The following CLMP variants were observed in gnomAD, a reference collection of about 807,000 sequenced individuals.
CLMP encodes CXADR-like membrane protein.
A neutral mutation model predicts 45.2 loss-of-function variants in CLMP; 27 were observed. The observed-to-expected ratio is 0.60, with a 90% confidence interval of 0.44 to 0.82. CLMP has a LOEUF of 0.82. CLMP is among the 40% of genes least tolerant of loss of function. The probability of loss-of-function intolerance (pLI) is 0.00; values close to 1 mark genes in which losing one functional copy is unlikely to be tolerated. For missense variants in CLMP, 403 were observed against 448.4 expected (o/e 0.90, Z 0.91); for synonymous variants, 167 against 171.4 (o/e 0.97, Z 0.20).
intron 1 of CLMP, among the ~76,000 whole-genome samples, chr11:123,177,253 T>C (rs1861711164): frequency 6.6e-6 from 1 of 152,120 alleles, no homozygotes; most frequent in African/African-American, 2.4e-5. Flanking sequence ...TTTTGCTCCT[T>C]TGATGCAGTG....
At chr11:123,106,355 C>T (rs1476085712) in intron 1 of CLMP, among the ~76,000 whole-genome samples, 1 of 151,466 alleles carries the variant, frequency 6.6e-6, no homozygotes, top group Non-Finnish European at 1.5e-5. Context: ...TTCCCTTCAC[C>T]CCAGCTACAT....
chr11:123,102,364 TC>T (rs1407540240), intron 1 of CLMP, among the ~76,000 whole-genome samples: 4 of 138,304 alleles, frequency 2.9e-5, no homozygotes, highest in Non-Finnish European at 6.1e-5. Context: ...CAGTGCAACC[TC>T]CGACTCCCCG....
intron 1 of CLMP, among the ~76,000 whole-genome samples, chr11:123,139,748 G>A (rs1266465653): frequency 6.6e-6 from 1 of 152,072 alleles, no homozygotes; most frequent in East Asian, 1.9e-4. Context: ...CCTGGCAGGT[G>A]GAGGTTGCAG....
chr11:123,126,084 G>C (rs1005364653), intron 1 of CLMP, among the ~76,000 whole-genome samples: 12 of 152,114 alleles, frequency 7.9e-5, no homozygotes, highest in Admixed American at 7.9e-4. Flanking sequence ...TCTCTTCCAA[G>C]GGGCCAGCCT....
chr11:123,078,155 T>G (rs1427506208), intron 5 of CLMP, among the ~76,000 whole-genome samples: 1 of 152,132 alleles, frequency 6.6e-6, no homozygotes, highest in East Asian at 1.9e-4. Flanking sequence ...TTTGGACACT[T>G]GGGGCATGTC....
chr11:123,160,624 A>T (rs967664314), intron 1 of CLMP, among the ~76,000 whole-genome samples: 3 of 152,242 alleles, frequency 2.0e-5, no homozygotes, highest in Admixed American at 6.5e-5. Flanking sequence ...TCCTATTTCC[A>T]TTCTCTTCCT....
intron 1 of CLMP, among the ~76,000 whole-genome samples, chr11:123,104,664 G>T (rs1860509715): frequency 6.6e-6 from 1 of 152,076 alleles, no homozygotes; most frequent in South Asian, 2.1e-4. Flanking sequence ...GGGATTACAG[G>T]TGTGAGCCAC....
In CLMP at chr11:123,107,960, C is replaced by A. The variant is rs565176962; in HGVS notation, c.29-10008G>T. 7.1e-4 allele frequency among the ~76,000 whole-genome samples: 108 copies of A among 152,062 alleles called. 1 individual carries two copies. The highest frequency in any genetic ancestry group is 3.4e-3 in the Middle Eastern group (1 of 292). On this transcript the variant is annotated intron_variant, in intron 1 of 6. Transcript: ENST00000448775. ...AAATTGATAATATTGTAGAGAAGGT[C>A]ATTCCTGACGAGCAATTAAGGAAGA...
intron 1 of CLMP, among the ~76,000 whole-genome samples, chr11:123,186,765 C>T (rs1861840862): frequency 6.6e-6 from 1 of 152,130 alleles, no homozygotes. Flanking sequence ...TCCAGTGATC[C>T]ACCCGCCTCG....
intron 1 of CLMP, among the ~76,000 whole-genome samples, chr11:123,155,629 C>T (rs1861402950): frequency 1.3e-5 from 2 of 152,180 alleles, no homozygotes; most frequent in African/African-American, 4.8e-5. Context: ...AACATACATT[C>T]TTTTTCTGAT....
rs559820569 is a variant in CLMP, at chr11:123,105,887, G to A, written c.29-7935C>T. On this transcript the variant is annotated intron_variant, in intron 1 of 6. Coordinates refer to ENST00000448775, the MANE Select transcript of CLMP (RefSeq NM_024769.5). ...GCTGGAGTACAGTAGCGCAATCTCA[G>A]CTCACTGCAACCTCCGCCTCCCGGG... Among the ~76,000 whole-genome samples the A allele has an allele frequency of 9.9e-5, 15 of 151,166 alleles. No individual in the cohort carries two copies. The East Asian group carries it at 2.9e-3, about 29-fold the overall frequency.
chr11:123,110,065 T>G lies in CLMP; in HGVS notation c.29-12113A>C, dbSNP rs376325870. On this transcript the variant is annotated intron_variant, in intron 1 of 6. Coordinates refer to ENST00000448775, the MANE Select transcript of CLMP (RefSeq NM_024769.5). The stretch of plus-strand genomic sequence containing the variant: ...GCCACAAAACAAGTAATAGGTTTAC[T>G]GCATTTTGTTCCTTTGGTCAGAATT... 3.9e-5 allele frequency among the ~76,000 whole-genome samples: 6 copies of G among 152,346 alleles called. No individual in the cohort carries two copies. The East Asian group carries it at 1.2e-3, about 29-fold the overall frequency.
At chr11:123,104,841 G>C (rs1444809914) in intron 1 of CLMP, among the ~76,000 whole-genome samples, 1 of 152,190 alleles carries the variant, frequency 6.6e-6, no homozygotes, top group East Asian at 1.9e-4. Flanking sequence ...AAAGACTTTA[G>C]AGATCATCAG....
At chr11:123,154,712 C>T (rs1244654502) in intron 1 of CLMP, among the ~76,000 whole-genome samples, 2 of 151,992 alleles carry the variant, frequency 1.3e-5, no homozygotes, top group South Asian at 2.1e-4. Context: ...GGATAAATCC[C>T]CCTCATTTTT....
chr11:123,151,035 G>C (rs1365712673), intron 1 of CLMP, among the ~76,000 whole-genome samples: 1 of 152,128 alleles, frequency 6.6e-6, no homozygotes. Context: ...CCACTTTTCT[G>C]TTACTGCCAG....
Position 123,069,951 on chromosome 11 carries a change from C to A in CLMP, c.*3523G>T, listed in dbSNP as rs1278894917. On this transcript the variant is annotated 3_prime_UTR_variant, in exon 7 of 7. Transcript: ENST00000448775. ...ATTTGGTTTTTGTGATGCTGAAACA[C>A]AGTCCCAATTACAAGGCAACTTAGA... The A allele has an allele frequency of 3.3e-5, 5 of 152,208 alleles. No individual in the cohort carries two copies. Among genetic ancestry groups the A allele is most frequent in the Non-Finnish European group, 5.9e-5 (4 of 68,022 alleles). 9.4% of individuals were successfully genotyped at this position (152,208 alleles called of 1,614,324 possible).
chr11:123,186,510 C>T (rs1328251083), intron 1 of CLMP, among the ~76,000 whole-genome samples: 2 of 150,866 alleles, frequency 1.3e-5, no homozygotes, highest in African/African-American at 2.4e-5. Flanking sequence ...AGTTGGGGCA[C>T]AATTTGTGAG....
At chr11:123,126,840 T>C (rs974961911) in intron 1 of CLMP, among the ~76,000 whole-genome samples, 9 of 150,912 alleles carry the variant, frequency 6.0e-5, no homozygotes, top group African/African-American at 1.9e-4. Context: ...GAGCTTGCAG[T>C]GAACCAGGAT....
At position 123,098,341 on chromosome 11, in the gene CLMP, C is replaced by T. The variant is rs529936735; in HGVS notation, c.29-389G>A. ...CTCCTGAGTTCAAGTGATTCTCCTG[C>T]CTTAGCCTCGTGAGTAGCTGGAACT... On this transcript the variant is annotated intron_variant, in intron 1 of 6. Coordinates refer to ENST00000448775, the MANE Select transcript of CLMP (RefSeq NM_024769.5). Among the ~76,000 whole-genome samples the T allele has an allele frequency of 9.9e-5, 15 of 152,112 alleles. No homozygotes were observed. The South Asian group carries it at 2.3e-3, about 23-fold the overall frequency.
Sources: gnomAD v4.1 joint callset for allele counts (sites outside exome capture counted in the v4.1 genomes callset) on GRCh38, gnomAD v4.1.1 for gene constraint, MANE v1.5 for transcripts, NCBI Gene and HGNC (gene_info 2026-07-23, HGNC 2026-07-21) for gene names.